The following GREB1L variants were observed in gnomAD, a reference collection of about 807,000 sequenced individuals.
GREB1L encodes the protein GREB1 like retinoic acid receptor coactivator.
A neutral mutation model predicts 200.8 loss-of-function variants in GREB1L; 17 were observed. The ratio of observed to expected loss-of-function variants is 0.08; its 90% CI spans 0.06 to 0.13. GREB1L has a LOEUF of 0.13. Ranked by LOEUF, GREB1L falls within the 10% of genes least tolerant of loss-of-function variation. The pLI is 1.00. For missense variants in GREB1L, 1,657 were observed against 2,367.7 expected (o/e 0.70, Z 6.23); for synonymous variants, 789 against 893.0 (o/e 0.88, Z 2.08).
At chr18:21,385,583 A>G (rs1377923791) in intron 4 of GREB1L, among the ~76,000 whole-genome samples, 3 of 152,130 alleles carry the variant, frequency 2.0e-5, no homozygotes, top group Admixed American at 2.0e-4. Context: ...AACTTAATAT[A>G]ATATATATGG....
chr18:21,491,825 G>A, intron 19 of GREB1L, among the ~76,000 whole-genome samples: 1 of 151,828 alleles, frequency 6.6e-6, no homozygotes. Context: ...AGCTTAATAA[G>A]CAATTGGAAC....
At chr18:21,306,317 G>A (rs573121318) in intron 1 of GREB1L, among the ~76,000 whole-genome samples, 10 of 152,296 alleles carry the variant, frequency 6.6e-5, no homozygotes, top group Non-Finnish European at 1.3e-4. Flanking sequence ...ATTTTAGGGA[G>A]GATATTCCTG....
At chr18:21,448,541 T>G (rs2034357325) in intron 11 of GREB1L, among the ~76,000 whole-genome samples, 1 of 152,112 alleles carries the variant, frequency 6.6e-6, no homozygotes. Flanking sequence ...CCTTTGTTCT[T>G]CCATAAGGGG....
intron 1 of GREB1L, among the ~76,000 whole-genome samples, chr18:21,317,115 C>T (rs946955282): frequency 3.1e-4 from 47 of 151,930 alleles, no homozygotes; most frequent in African/African-American, 1.1e-3. Flanking sequence ...AAGCGGGTGC[C>T]GTGTTACGTG....
At chr18:21,470,849 C>T (rs868112323) in intron 15 of GREB1L, among the ~76,000 whole-genome samples, 2 of 152,020 alleles carry the variant, frequency 1.3e-5, no homozygotes, top group African/African-American at 2.4e-5. Context: ...TCTATACTTT[C>T]CAGTTTTTCC....
chr18:21,462,732 G>A (rs1434409255), intron 15 of GREB1L, among the ~76,000 whole-genome samples: 9 of 152,310 alleles, frequency 5.9e-5, no homozygotes, highest in Admixed American at 3.9e-4. Flanking sequence ...TTACCAGTGT[G>A]AGCCACTGCA....
chr18:21,489,991 G>A, intron 18 of GREB1L, 21 bp from the exon 19 acceptor site: 1 of 1,535,940 alleles, frequency 6.5e-7, no homozygotes, highest in Non-Finnish European at 8.8e-7. Flanking sequence ...CTGAGTGCTA[G>A]TGCCTTGTTT....
At chr18:21,374,914 A>G (rs530390790) in intron 2 of GREB1L, among the ~76,000 whole-genome samples, 13 of 143,318 alleles carry the variant, frequency 9.1e-5, no homozygotes, top group Admixed American at 8.0e-4. Context: ...GTGCAGTGGC[A>G]TGATCATGAC....
At chr18:21,481,642 C>T (rs558857754) in intron 17 of GREB1L, among the ~76,000 whole-genome samples, 1 of 151,972 alleles carries the variant, frequency 6.6e-6, no homozygotes, top group East Asian at 1.9e-4. Flanking sequence ...GTCCTGTGTC[C>T]CTTCTAGGCA....
chr18:21,494,559 A>G (rs1390670554), intron 19 of GREB1L, among the ~76,000 whole-genome samples: 6 of 152,012 alleles, frequency 3.9e-5, no homozygotes, highest in Admixed American at 3.9e-4. Flanking sequence ...CTGGCCAGGT[A>G]TGGTAGCTCA....
intron 7 of GREB1L, among the ~76,000 whole-genome samples, chr18:21,407,169 T>C (rs2144628852): frequency 6.6e-6 from 1 of 152,296 alleles, no homozygotes; most frequent in Non-Finnish European, 1.5e-5. Context: ...TCACCGCACC[T>C]GGCCTTCTCT....
intron 5 of GREB1L, among the ~76,000 whole-genome samples, chr18:21,396,007 C>T (rs291796): frequency 0.016 from 2,350 of 151,258 alleles, 65 homozygotes; most frequent in African/African-American, 0.053. Flanking sequence ...GGATTACAGG[C>T]GGTAACTTCT....
rs1033722286 is a variant in GREB1L, at chr18:21,516,692, C to T, written c.5209C>T (p.Leu1737Phe). 5 of 1,551,210 alleles carry T rather than the reference C, an allele frequency of 3.2e-6. No individual in the cohort carries two copies. The highest frequency in any genetic ancestry group is 2.7e-5 in the African/African-American group (2 of 73,020). The change falls in exon 30 of 33, where the codon CTC (leucine) becomes TTC (phenylalanine). Residue 1737 changes from leucine (L) to phenylalanine (F), a missense_variant. By Grantham distance (22) the Leu-to-Phe change is conservative (BLOSUM62 0). Transcript: ENST00000424526. The part of the protein sequence containing the change: ...LLICRFNNFS[L>F]MKKHVQVGGQ... ...CATCTGCCGCTTTAATAACTTCAGT[C>T]TCATGAAGAAACATGTTCAGGTTGG...
intron 15 of GREB1L, among the ~76,000 whole-genome samples, chr18:21,469,465 T>A (rs918991090): frequency 6.6e-6 from 1 of 152,190 alleles, no homozygotes; most frequent in Non-Finnish European, 1.5e-5. Context: ...TCTGAAACCA[T>A]AAGATATTCG....
At chr18:21,467,708 T>C (rs1241799772) in intron 15 of GREB1L, among the ~76,000 whole-genome samples, 3 of 152,156 alleles carry the variant, frequency 2.0e-5, no homozygotes, top group African/African-American at 4.8e-5. Flanking sequence ...AGAGTTACTC[T>C]ATGATCCAGA....
chr18:21,510,544 A>T (rs1185071040), intron 27 of GREB1L, among the ~76,000 whole-genome samples: 1 of 152,218 alleles, frequency 6.6e-6, no homozygotes, highest in African/African-American at 2.4e-5. Flanking sequence ...AGGCTGAATA[A>T]TATTCCATTT....
intron 15 of GREB1L, among the ~76,000 whole-genome samples, chr18:21,469,707 CCTAT>C (rs1340785572): frequency 6.6e-6 from 1 of 152,144 alleles, no homozygotes; most frequent in East Asian, 1.9e-4. Context: ...TCTATATCTA[CCTAT>C]CTATGTTTAA....
intron 6 of GREB1L, 95 bp from the exon 7 acceptor site, chr18:21,403,777 C>T (rs540497179): frequency 1.7e-4 from 175 of 1,043,942 alleles, no homozygotes; most frequent in African/African-American, 7.8e-4. Flanking sequence ...TAAGGAGCAG[C>T]GATTTAATTT....
intron 15 of GREB1L, among the ~76,000 whole-genome samples, chr18:21,463,630 T>A (rs914314684): frequency 2.6e-5 from 4 of 152,046 alleles, no homozygotes; most frequent in African/African-American, 7.3e-5. Context: ...CAGGTTGGAG[T>A]GCAGTGGCAT....
Sources: allele counts gnomAD v4.1 joint callset (sites outside exome capture counted in the v4.1 genomes callset), GRCh38; gene constraint gnomAD v4.1.1; transcripts MANE v1.5; gene names NCBI Gene and HGNC (gene_info 2026-07-23, HGNC 2026-07-21).